SHISA9: variants seen among roughly 807,000 people sequenced by gnomAD.
SHISA9 encodes shisa family member 9.
SHISA9 carries 13 observed loss-of-function variants against 38.0 expected under a neutral mutation model. The observed-to-expected ratio is 0.34, with a 90% CI of 0.22 to 0.54. The LOEUF is 0.54. Ranked by LOEUF, SHISA9 falls within the 20% of genes least tolerant of loss-of-function variation. The probability of loss-of-function intolerance (pLI) is 0.91; values close to 1 mark genes in which losing one functional copy is unlikely to be tolerated. For synonymous variants in SHISA9, 275 were observed against 242.0 expected, an observed-to-expected ratio of 1.14 and a Z score of -1.27; for missense variants, 538 against 575.8, an observed-to-expected ratio of 0.93 and a Z score of 0.67.
At chr16:13,125,495 G>A (rs1018838232) in intron 2 of SHISA9, among the ~76,000 whole-genome samples, 5 of 152,188 alleles carry the variant, frequency 3.3e-5, no homozygotes, top group Admixed American at 3.3e-4. Flanking sequence ...TTATCTCACA[G>A]AACCATTGTG....
In SHISA9 at chr16:13,158,931, G is replaced by A. The variant is rs535657778; in HGVS notation, c.692-44463G>A. On this transcript the variant is annotated intron_variant, in intron 2 of 4. Coordinates refer to ENST00000558583, the MANE Select transcript of SHISA9 (RefSeq NM_001145204.3). ...AAAAATTAGCTGGGCATGGTGGCATGCGCCTGTAGTCCCAGCTACTCGCGA... is the reference window on the plus strand; with the variant it reads ...AAAAATTAGCTGGGCATGGTGGCATACGCCTGTAGTCCCAGCTACTCGCGA... Among the ~76,000 whole-genome samples the A allele has an allele frequency of 6.7e-5, 10 of 150,318 alleles. No individual in the cohort carries two copies. The South Asian group carries it at 2.1e-3, about 32-fold the overall frequency.
chr16:13,345,855 C>T, the SHISA9 span, among the ~76,000 whole-genome samples: 4 of 152,104 alleles, frequency 2.6e-5, no homozygotes, highest in Non-Finnish European at 4.4e-5. Context: ...TCATCAGTGA[C>T]ATTGGGCTTG....
chr16:13,496,126 T>C, the SHISA9 span, among the ~76,000 whole-genome samples: 1 of 152,130 alleles, frequency 6.6e-6, no homozygotes, highest in Non-Finnish European at 1.5e-5. Context: ...GGTTTCAGCA[T>C]TTCAAAGATC....
At chr16:12,912,137 G>A (rs995613923) in intron 1 of SHISA9, among the ~76,000 whole-genome samples, 3 of 149,992 alleles carry the variant, frequency 2.0e-5, no homozygotes, top group Admixed American at 6.6e-5. Flanking sequence ...ATACAAAAAA[G>A]TTCTGACATT....
At chr16:13,375,932 T>C in the SHISA9 span, among the ~76,000 whole-genome samples, 1 of 152,018 alleles carries the variant, frequency 6.6e-6, no homozygotes, top group Non-Finnish European at 1.5e-5. Context: ...AAAATTTATA[T>C]GGGGTTTCAA....
At chr16:13,423,525 G>C in the SHISA9 span, among the ~76,000 whole-genome samples, 1 of 151,894 alleles carries the variant, frequency 6.6e-6, no homozygotes, top group Non-Finnish European at 1.5e-5. Context: ...TTTGGCTTTC[G>C]GGGACTAATC....
chr16:13,085,015 T>C (rs1409817438), intron 2 of SHISA9, among the ~76,000 whole-genome samples: 1 of 151,994 alleles, frequency 6.6e-6, no homozygotes. Flanking sequence ...AGGGAAGACA[T>C]AAAGTGAAGG....
At chr16:13,164,803 A>G (rs558308276) in intron 2 of SHISA9, among the ~76,000 whole-genome samples, 26 of 152,058 alleles carry the variant, frequency 1.7e-4, no homozygotes, top group Non-Finnish European at 2.1e-4. Context: ...ATTTTCTGTT[A>G]TTGGTTTCTA....
chr16:13,050,129 T>G (rs2073233849), intron 2 of SHISA9, among the ~76,000 whole-genome samples: 2 of 152,174 alleles, frequency 1.3e-5, no homozygotes, highest in South Asian at 4.1e-4. Context: ...TATTGGTAAG[T>G]TTTTAAAATG....
At chr16:13,180,582 C>A (rs948512220) in intron 2 of SHISA9, among the ~76,000 whole-genome samples, 1 of 152,294 alleles carries the variant, frequency 6.6e-6, no homozygotes, top group South Asian at 2.1e-4. Context: ...CCTGTCTTCT[C>A]AGCTACTTGG....
chr16:13,497,320 G>T, the SHISA9 span, among the ~76,000 whole-genome samples: 1 of 152,100 alleles, frequency 6.6e-6, no homozygotes, highest in East Asian at 1.9e-4. Flanking sequence ...GATTAAATCT[G>T]TCCAACAAAT....
intron 2 of SHISA9, among the ~76,000 whole-genome samples, chr16:13,098,793 T>C (rs1269368683): frequency 1.3e-5 from 2 of 152,236 alleles, no homozygotes; most frequent in Admixed American, 6.5e-5. Context: ...TGGGTGGTTC[T>C]GGACTCAGAG....
intron 2 of SHISA9, among the ~76,000 whole-genome samples, chr16:13,168,335 A>T (rs939277557): frequency 3.9e-5 from 6 of 152,202 alleles, no homozygotes; most frequent in African/African-American, 1.4e-4. Flanking sequence ...ATTCTTACCT[A>T]CACAAACTCT....
chr16:13,508,942 C>T, the SHISA9 span, among the ~76,000 whole-genome samples: 20 of 152,110 alleles, frequency 1.3e-4, no homozygotes, highest in Non-Finnish European at 2.2e-4. Flanking sequence ...CAATCACTTC[C>T]GTCTCCTGCA....
chr16:13,532,716 AC>A, the SHISA9 span, among the ~76,000 whole-genome samples: 42 of 152,170 alleles, frequency 2.8e-4, no homozygotes, highest in African/African-American at 9.9e-4. Context: ...CCTGCTTCCA[AC>A]ATTTCAGTTT....
At chr16:13,402,782 G>A in the SHISA9 span, among the ~76,000 whole-genome samples, 1 of 152,194 alleles carries the variant, frequency 6.6e-6, no homozygotes, top group Admixed American at 6.5e-5. Context: ...GCACAGTCAA[G>A]TTGACGTATC....
intron 4 of SHISA9, among the ~76,000 whole-genome samples, 192 bp downstream of exon 4, chr16:13,213,492 C>A (rs2051139747): frequency 6.6e-6 from 1 of 152,140 alleles, no homozygotes; most frequent in Non-Finnish European, 1.5e-5. Context: ...GTGCATCTAG[C>A]AATTGTTGGA....
At chr16:13,409,256 A>G in the SHISA9 span, among the ~76,000 whole-genome samples, 1 of 152,114 alleles carries the variant, frequency 6.6e-6, no homozygotes, top group Non-Finnish European at 1.5e-5. Context: ...GCTGACAGCC[A>G]CTTCCACCAC....
chr16:13,543,220 T>C, the SHISA9 span, among the ~76,000 whole-genome samples: 1 of 152,160 alleles, frequency 6.6e-6, no homozygotes, highest in Non-Finnish European at 1.5e-5. Context: ...AAGATAATTA[T>C]ATACAGTACA....
Sources: gnomAD v4.1 joint callset for allele counts (sites outside exome capture counted in the v4.1 genomes callset) on GRCh38, gnomAD v4.1.1 for gene constraint, MANE v1.5 for transcripts, NCBI Gene and HGNC (gene_info 2026-07-23, HGNC 2026-07-21) for gene names.